The following PHF20 variants were observed in gnomAD, a reference collection of about 807,000 sequenced individuals.
PHF20 encodes the protein glioma-expressed antigen 2.
Under a neutral mutation model 113.5 loss-of-function variants are expected in PHF20, and 23 were observed. The observed-to-expected ratio is 0.20, with a 90% confidence interval of 0.15 to 0.29. The LOEUF is 0.29. Ranked by LOEUF, PHF20 falls within the 10% of genes least tolerant of loss-of-function variation. The probability of loss-of-function intolerance (pLI) is 1.00; values close to 1 mark genes in which losing one functional copy is unlikely to be tolerated. For missense variants in PHF20, 943 were observed against 1,219.6 expected (o/e 0.77, Z 3.38); for synonymous variants, 434 against 457.3 (o/e 0.95, Z 0.65).
chr20:35,817,685 C>G (rs2042100730), intron 2 of PHF20, among the ~76,000 whole-genome samples: 1 of 152,100 alleles, frequency 6.6e-6, no homozygotes, highest in South Asian at 2.1e-4. Context: ...GTAGTCCCAG[C>G]TACTCAGGAG....
chr20:35,889,208 G>T (rs952283804), intron 9 of PHF20, among the ~76,000 whole-genome samples: 2 of 151,612 alleles, frequency 1.3e-5, no homozygotes, highest in South Asian at 4.2e-4. Context: ...TAGAGACGGG[G>T]TTTTGTCATG....
chr20:35,931,894 T>C (rs566387250), intron 15 of PHF20, among the ~76,000 whole-genome samples: 12 of 151,572 alleles, frequency 7.9e-5, no homozygotes, highest in African/African-American at 2.9e-4. Flanking sequence ...GAGGTTGTGG[T>C]GAGCTGAGAT....
rs1209243038 is a variant in PHF20, at chr20:35,948,207, A to C, written c.*580A>C. ...CTCACCACATCTCTTGCATGACTTCATGGTACTGGGGACAAGTTTGTATGC... is the reference window on the plus strand; with the variant it reads ...CTCACCACATCTCTTGCATGACTTCCTGGTACTGGGGACAAGTTTGTATGC... On this transcript the variant is annotated 3_prime_UTR_variant, in exon 18 of 18. Transcript: ENST00000374012. The C allele has an allele frequency of 2.0e-5, 3 of 153,302 alleles. No homozygotes were observed. Among genetic ancestry groups the C allele is most frequent in the Non-Finnish European group, 4.4e-5 (3 of 68,556 alleles). The allele number at this position is 153,302 out of a possible 1,614,324, so 9.5% of individuals were successfully genotyped here.
chr20:35,821,310 C>T (rs929600271), intron 2 of PHF20, among the ~76,000 whole-genome samples: 15 of 151,578 alleles, frequency 9.9e-5, no homozygotes, highest in African/African-American at 3.6e-4. Flanking sequence ...TGGTGGGCGC[C>T]TGTAATCCCA....
chr20:35,797,232 G>T (rs919114210), intron 1 of PHF20, among the ~76,000 whole-genome samples: 3 of 151,834 alleles, frequency 2.0e-5, no homozygotes, highest in Non-Finnish European at 2.9e-5. Flanking sequence ...AAAAAAATGG[G>T]CCGGGCGTGG....
chr20:35,850,479 T>TTA (rs141463522), intron 4 of PHF20, among the ~76,000 whole-genome samples: 1,869 of 146,820 alleles, frequency 0.013, 25 homozygotes, highest in African/African-American at 0.035. Flanking sequence ...CCTGGCTAAT[T>TTA]TATATATATA....
chr20:35,899,477 C>G lies in PHF20; in HGVS notation c.1390C>G (p.Arg464Gly). Residue 464 changes from arginine (R) to glycine (G), a missense_variant, in exon 10 of 18, where the codon CGC becomes GGC. Transcript: ENST00000374012. Reference protein sequence around the residue: ...CKVVDCLKFFRKAKLLHYHMK... With the variant: ...CKVVDCLKFFGKAKLLHYHMK... ...AGTTGTGGACTGTTTAAAATTTTTC[C>G]GCAAAGCCAAACTGTTGCACTATCA... The G allele has an allele frequency of 6.2e-7, 1 of 1,614,112 alleles. No individual in the cohort carries two copies. Among genetic ancestry groups the G allele is most frequent in the Non-Finnish European group, 8.5e-7 (1 of 1,180,006 alleles).
intron 1 of PHF20, among the ~76,000 whole-genome samples, chr20:35,787,283 G>T (rs1265682045): frequency 1.3e-5 from 2 of 151,850 alleles, no homozygotes; most frequent in Non-Finnish European, 2.9e-5. Flanking sequence ...AGGTTCAAGC[G>T]ATTCTCCTGC....
chr20:35,833,540 C>G (rs1325725650), intron 2 of PHF20, among the ~76,000 whole-genome samples: 1 of 152,072 alleles, frequency 6.6e-6, no homozygotes, highest in Non-Finnish European at 1.5e-5. Flanking sequence ...TTATATATTT[C>G]TATTGCTGTT....
intron 2 of PHF20, among the ~76,000 whole-genome samples, chr20:35,802,628 G>A (rs2041801332): frequency 6.6e-6 from 1 of 152,108 alleles, no homozygotes; most frequent in South Asian, 2.1e-4. Flanking sequence ...ACAGAAAACT[G>A]TCTTTGCTAT....
intron 9 of PHF20, among the ~76,000 whole-genome samples, chr20:35,873,848 C>G (rs908917103): frequency 1.3e-5 from 2 of 152,304 alleles, no homozygotes; most frequent in East Asian, 3.9e-4. Context: ...CTTAACTTCT[C>G]ACAGTTCACT....
At chr20:35,821,080 C>T (rs985460458) in intron 2 of PHF20, among the ~76,000 whole-genome samples, 1 of 152,150 alleles carries the variant, frequency 6.6e-6, no homozygotes, top group East Asian at 1.9e-4. Flanking sequence ...GGAGTTTGGA[C>T]TTTATTCTAA....
chr20:35,821,598 G>T (rs984258759), intron 2 of PHF20, among the ~76,000 whole-genome samples: 9 of 152,054 alleles, frequency 5.9e-5, no homozygotes, highest in African/African-American at 2.2e-4. Context: ...GGCAGAGGTT[G>T]CAGTGAGCTG....
At chr20:35,792,475 C>T (rs1017605184) in intron 1 of PHF20, among the ~76,000 whole-genome samples, 3 of 152,132 alleles carry the variant, frequency 2.0e-5, no homozygotes, top group African/African-American at 7.2e-5. Flanking sequence ...AGGCGTGAGC[C>T]ACCGTGCCTG....
intron 10 of PHF20, among the ~76,000 whole-genome samples, chr20:35,911,244 A>T (rs6058360): frequency 1.3e-5 from 2 of 152,004 alleles, no homozygotes; most frequent in African/African-American, 2.4e-5. Context: ...GGGTTTTACC[A>T]TGTTAGCCAG....
intron 15 of PHF20, among the ~76,000 whole-genome samples, chr20:35,933,159 T>C (rs1568790166): frequency 6.6e-6 from 1 of 151,826 alleles, no homozygotes; most frequent in Non-Finnish European, 1.5e-5. Context: ...CAGGCTGAAG[T>C]GCAGTGGCTA....
rs1568669980 is a variant in PHF20, at chr20:35,863,394, C to T, written c.802C>T (p.Pro268Ser). Reference protein sequence around the residue: ...RKRGRPPSIAPTAVDSNSQTL... With the variant: ...RKRGRPPSIASTAVDSNSQTL... ...ACGAGGCAGACCCCCTTCCATAGCT[C>T]CTACTGGTGAGTTTTTTAAGTGGGC... Residue 268 changes from proline to serine, a missense_variant, in exon 6 of 18, where the codon CCT (proline) becomes TCT (serine). Around this residue, in one of 3 missense-constraint regions of PHF20, gnomAD observed 592 missense variants for 787.2 expected, o/e 0.75. Transcript: ENST00000374012. The T allele has an allele frequency of 6.3e-7, 1 of 1,587,382 alleles. No individual in the cohort carries two copies. The highest frequency in any genetic ancestry group is 8.5e-7 in the Non-Finnish European group (1 of 1,171,218).
chr20:35,896,643 G>GA (rs112447629), intron 9 of PHF20, among the ~76,000 whole-genome samples: 8,868 of 141,716 alleles, frequency 0.063, 376 homozygotes, highest in African/African-American at 0.14. Context: ...CTAAAGCTAT[G>GA]AAAAAAAAAA....
chr20:35,833,683 A>G (rs2042390868), intron 2 of PHF20, among the ~76,000 whole-genome samples: 1 of 152,136 alleles, frequency 6.6e-6, no homozygotes, highest in African/African-American at 2.4e-5. Flanking sequence ...GTCTTCTCTG[A>G]ACCCTTTCCC....
Sources: allele counts gnomAD v4.1 joint callset (sites outside exome capture counted in the v4.1 genomes callset), GRCh38; gene constraint gnomAD v4.1.1; regional missense constraint gnomAD v4.1.1; transcripts MANE v1.5; gene names NCBI Gene and HGNC (gene_info 2026-07-23, HGNC 2026-07-21).